Variants in DYSF observed in about 807,000 individuals in gnomAD.
DYSF encodes dysferlin, also known as dystrophy-associated fer-1-like 1.
Under a neutral mutation model 274.9 loss-of-function variants are expected in DYSF, and 212 were observed. That is an observed-to-expected ratio of 0.77 (90% CI 0.69 to 0.86). DYSF has a LOEUF of 0.86. Among genes scored for constraint, DYSF ranks in the 40% least tolerant of loss-of-function variants. The probability of loss-of-function intolerance (pLI) is 0.00; values close to 1 mark genes in which losing one functional copy is unlikely to be tolerated. For missense variants in DYSF, 2,666 were observed against 2,783.2 expected (o/e 0.96, Z 0.95); for synonymous variants, 1,091 against 1,078.7 (o/e 1.01, Z -0.22).
chr2:71,501,345 G>C (rs2084948460), intron 3 of DYSF, among the ~76,000 whole-genome samples: 1 of 152,162 alleles, frequency 6.6e-6, no homozygotes, highest in South Asian at 2.1e-4. Context: ...TTTCAAGAAG[G>C]ATGGAAAAAG....
chr2:71,643,819 T>C (rs1572919907), intron 41 of DYSF, 146 bp from the exon 42 acceptor site: 1 of 715,384 alleles, frequency 1.4e-6, no homozygotes, highest in Non-Finnish European at 2.6e-6. Context: ...GAGGCGGAGG[T>C]TTCCTCTCTC....
intron 40 of DYSF, 36 bp downstream of exon 40, chr2:71,613,446 C>A: frequency 5.8e-6 from 9 of 1,556,182 alleles, no homozygotes; most frequent in Non-Finnish European, 7.1e-6. Context: ...CCTGGGTCAC[C>A]TTTCCCCTCC....
intron 51 of DYSF, among the ~76,000 whole-genome samples, chr2:71,670,945 C>G (rs1187138699): frequency 6.6e-6 from 1 of 152,086 alleles, no homozygotes; most frequent in East Asian, 1.9e-4. Flanking sequence ...TTCTGCTGGC[C>G]CGATTTCCTT....
chr2:71,551,013 C>T (rs576009822), intron 17 of DYSF, 28 bp from the exon 18 acceptor site: 2 of 1,606,054 alleles, frequency 1.2e-6, no homozygotes, highest in East Asian at 2.2e-5. Flanking sequence ...CTGGGCCGAC[C>T]CCTCTGATTG....
intron 53 of DYSF, 121 bp from the exon 54 acceptor site, chr2:71,680,880 A>G: frequency 1.2e-6 from 1 of 817,328 alleles, no homozygotes. Context: ...TTATGTTCAG[A>G]AACCCTACAT....
intron 29 of DYSF, among the ~76,000 whole-genome samples, chr2:71,573,175 AC>A (rs2092582961): frequency 6.6e-6 from 1 of 152,204 alleles, no homozygotes; most frequent in Non-Finnish European, 1.5e-5. Context: ...GGGGCAGAGA[AC>A]CTAGAGAGGA....
intron 1 of DYSF, among the ~76,000 whole-genome samples, chr2:71,456,339 C>T (rs1428987205): frequency 2.0e-5 from 3 of 152,224 alleles, no homozygotes; most frequent in African/African-American, 7.2e-5. Context: ...TCCCCCAGCC[C>T]CTGGCCACAT....
Position 71,592,213 on chromosome 2 carries a change from G to A in DYSF, c.3574+1925G>A, listed in dbSNP as rs556987841. 1.1e-4 allele frequency among the ~76,000 whole-genome samples: 17 copies of A among 152,302 alleles called. No individual in the cohort carries two copies. The South Asian group carries it at 3.3e-3, about 30-fold the overall frequency. The stretch of plus-strand genomic sequence containing the variant: ...CTGCGGGCCGAGCACCCTGCAGAGA[G>A]GGGAGGGAACTCCTCCAAGGGCCCA... On this transcript the variant is annotated intron_variant, in intron 32 of 55. Coordinates refer to ENST00000410020, the MANE Select transcript of DYSF (RefSeq NM_001130987.2).
At chr2:71,655,662 A>G (rs982810951) in intron 42 of DYSF, among the ~76,000 whole-genome samples, 1 of 152,254 alleles carries the variant, frequency 6.6e-6, no homozygotes, top group Non-Finnish European at 1.5e-5. Flanking sequence ...GTCATTGGAT[A>G]TCCTGTATGT....
upstream of DYSF, among the ~76,000 whole-genome samples, chr2:71,466,087 G>A (rs1248957354): frequency 6.6e-6 from 1 of 152,128 alleles, no homozygotes; most frequent in Admixed American, 6.5e-5. Flanking sequence ...CTCGAACCTC[G>A]GAGTCTCTCC....
At chr2:71,635,336 T>TC (rs1349941912) in intron 41 of DYSF, among the ~76,000 whole-genome samples, 1 of 152,190 alleles carries the variant, frequency 6.6e-6, no homozygotes, top group Admixed American at 6.5e-5. Context: ...AAGCCAAGGA[T>TC]CACCCCCTCT....
intron 3 of DYSF, among the ~76,000 whole-genome samples, chr2:71,496,140 A>G (rs1374145540): frequency 2.0e-5 from 3 of 151,994 alleles, no homozygotes; most frequent in Admixed American, 6.5e-5. Flanking sequence ...CCTCCTCTTC[A>G]TATGATACTT....
chr2:71,661,855 C>T lies in DYSF; in HGVS notation c.5003+1204C>T, dbSNP rs776166345. On this transcript the variant is annotated intron_variant, in intron 45 of 55. Transcript: ENST00000410020. ...GGGAAATGCAGCTTTTGAAGGTGAACCAGCCCTGGCCAGTGATGAGCTCCC... is the reference window on the plus strand; with the variant it reads ...GGGAAATGCAGCTTTTGAAGGTGAATCAGCCCTGGCCAGTGATGAGCTCCC... Among the ~76,000 whole-genome samples the T allele has an allele frequency of 1.6e-4, 24 of 152,274 alleles. No individual in the cohort carries two copies. In the Middle Eastern group the frequency reaches 0.017, roughly 108 times the overall value.
At chr2:71,620,384 G>A (rs1558646646) in intron 40 of DYSF, among the ~76,000 whole-genome samples, 163 bp from the exon 41 acceptor site, 2 of 152,228 alleles carry the variant, frequency 1.3e-5, no homozygotes, top group Non-Finnish European at 2.9e-5. Flanking sequence ...TCACACATCT[G>A]GTGAGGTGTT....
intron 51 of DYSF, 75 bp downstream of exon 51, chr2:71,669,821 C>G: frequency 1.3e-6 from 2 of 1,598,528 alleles, no homozygotes; most frequent in Non-Finnish European, 1.7e-6. Flanking sequence ...CACCACGTCC[C>G]TGCCTGGCAA....
Position 71,574,204 on chromosome 2 carries a change from C to CAGGCGG in DYSF, c.3245_3250dup (p.Ala1082_Glu1083dup), listed in dbSNP as rs398123779. On this transcript the variant is annotated inframe_insertion, in exon 30 of 56. Coordinates refer to ENST00000410020, the MANE Select transcript of DYSF (RefSeq NM_001130987.2). ...TGCCCCTTCTCTTGTGCAGCACAGG[C>CAGGCGG]AGGCGGAGGCGGAGGGCGAGGGCTG... 0.05 allele frequency: 80,720 copies of CAGGCGG among 1,613,284 alleles called. 2,265 individuals carry two copies. The highest frequency in any genetic ancestry group is 0.071 in the Middle Eastern group (433 of 6,058).
intron 17 of DYSF, chr2:71,549,326 C>CA (rs1377691390): frequency 6.2e-7 from 1 of 1,611,070 alleles, no homozygotes; most frequent in Non-Finnish European, 8.5e-7. Context: ...ACCCTAACCC[C>CA]TTTTCCATTT....
Position 71,634,177 on chromosome 2 carries a change from G to A in DYSF, c.4528-9788G>A, listed in dbSNP as rs569997565. Reference sequence around the variant, plus strand: ...GGCCTTGAACCTTGAGCATGGGGGAGTGGTGTTTTAATGGCCAGACTTCTT... The same window carrying A: ...GGCCTTGAACCTTGAGCATGGGGGAATGGTGTTTTAATGGCCAGACTTCTT... On this transcript the variant is annotated intron_variant, in intron 41 of 55. Coordinates refer to ENST00000410020, the MANE Select transcript of DYSF (RefSeq NM_001130987.2). 1.8e-4 allele frequency among the ~76,000 whole-genome samples: 28 copies of A among 152,320 alleles called. No individual in the cohort carries two copies. In the South Asian group the frequency reaches 3.1e-3, roughly 17 times the overall value.
intron 40 of DYSF, among the ~76,000 whole-genome samples, chr2:71,618,456 TTGTG>T (rs2093989308): frequency 1.3e-5 from 1 of 77,040 alleles, no homozygotes; most frequent in African/African-American, 5.4e-5. Context: ...AGAGGTGGGG[TTGTG>T]TGTGTGTGGT....
Sources: allele counts gnomAD v4.1 joint callset (sites outside exome capture counted in the v4.1 genomes callset), GRCh38; gene constraint gnomAD v4.1.1; transcripts MANE v1.5; gene names NCBI Gene and HGNC (gene_info 2026-07-23, HGNC 2026-07-21).